Variants in DENND4C observed in about 807,000 individuals in gnomAD.
The protein encoded by DENND4C is DENN domain-containing protein 4C.
Under a neutral mutation model 203.0 loss-of-function variants are expected in DENND4C, and 108 were observed. That is an observed-to-expected ratio of 0.53 (90% CI 0.46 to 0.62). The LOEUF is 0.62. Among genes scored for constraint, DENND4C ranks in the 20% least tolerant of loss-of-function variants. The pLI is 0.00. For synonymous variants in DENND4C, 871 were observed against 792.4 expected, an observed-to-expected ratio of 1.10 and a Z score of -1.67; for missense variants, 2,481 against 2,301.2, an observed-to-expected ratio of 1.08 and a Z score of -1.60.
chr9:19,245,874 T>C (rs1187313690), intron 1 of DENND4C, among the ~76,000 whole-genome samples: 2 of 150,482 alleles, frequency 1.3e-5, no homozygotes, highest in Non-Finnish European at 3.0e-5. Context: ...AAAAAAAAAT[T>C]GTAAGCATCT....
At chr9:19,322,963 T>G (rs574036996) in intron 12 of DENND4C, among the ~76,000 whole-genome samples, 1 of 152,220 alleles carries the variant, frequency 6.6e-6, no homozygotes, top group Admixed American at 6.5e-5. Context: ...TGTGACTGTG[T>G]GTTGAAGTTG....
intron 30 of DENND4C, 73 bp from the exon 31 acceptor site, chr9:19,369,764 C>T: frequency 1.2e-6 from 1 of 837,574 alleles, no homozygotes; most frequent in Non-Finnish European, 1.5e-6. Context: ...GAGATGTTGT[C>T]TCAAAAAAAA....
rs760574466 is a variant in DENND4C at position 19,336,484 on chromosome 9, T to C, written c.2734+70T>C. 2.2e-4 allele frequency: 335 copies of C among 1,517,366 alleles called. 1 individual carries two copies. Among genetic ancestry groups the C allele is most frequent in the Middle Eastern group, 1.9e-3 (10 of 5,296 alleles). 94.0% of individuals were successfully genotyped at this position (1,517,366 alleles called of 1,614,324 possible). A position where few individuals can be genotyped will look rare whatever the true frequency, so the allele number is the denominator to read the frequency against. On this transcript the variant is annotated intron_variant, in intron 19 of 32. Transcript: ENST00000434457. ...CTTTATAGGCATATGAATTTTTAGC[T>C]ATGTGAAGTAGAAAACTTAAATTCC... is the stretch of plus-strand genomic sequence containing the variant.
chr9:19,245,073 TTCTC>T (rs1273130078), intron 1 of DENND4C, among the ~76,000 whole-genome samples: 1 of 152,234 alleles, frequency 6.6e-6, no homozygotes, highest in Non-Finnish European at 1.5e-5. Context: ...AGACTAGTAG[TTCTC>T]AATTCTGGCT....
intron 20 of DENND4C, among the ~76,000 whole-genome samples, chr9:19,340,760 A>G (rs1380504501): frequency 6.6e-6 from 1 of 152,214 alleles, no homozygotes; most frequent in African/African-American, 2.4e-5. Flanking sequence ...TTTACAGATG[A>G]AGAAATTAAG....
rs1004510486 is a variant in DENND4C, at chr9:19,273,482, A to C, written c.-17-2676A>C. On this transcript the variant is annotated intron_variant, in intron 1 of 32. Coordinates refer to ENST00000434457, the MANE Select transcript of DENND4C (RefSeq NM_001330640.2). ...ACCTCTGTTTTTCATAAGACCCTGT[A>C]AGAGAATAAAAACACAAGCCGCAGA... is the stretch of plus-strand genomic sequence containing the variant. Among the ~76,000 whole-genome samples, 16 of 152,188 alleles carry C rather than the reference A, an allele frequency of 1.1e-4. 1 individual carries two copies. Among genetic ancestry groups the C allele is most frequent in the African/African-American group, 3.9e-4 (16 of 41,428 alleles).
chr9:19,313,793 A>G (rs984563257), intron 10 of DENND4C, among the ~76,000 whole-genome samples: 1 of 152,238 alleles, frequency 6.6e-6, no homozygotes, highest in African/African-American at 2.4e-5. Context: ...GTGCCATGCC[A>G]GTAGCGTGCT....
chr9:19,298,249 T>G, intron 7 of DENND4C, 127 bp downstream of exon 7: 1 of 774,044 alleles, frequency 1.3e-6, no homozygotes, highest in South Asian at 2.2e-5. Context: ...TTGGATTTTC[T>G]GTGCTTTGTA....
intron 1 of DENND4C, among the ~76,000 whole-genome samples, chr9:19,234,752 A>T (rs1458386380): frequency 6.6e-6 from 1 of 151,822 alleles, no homozygotes; most frequent in Admixed American, 6.6e-5. Context: ...CATATTGCCC[A>T]GGCTGGTCTT....
intron 1 of DENND4C, among the ~76,000 whole-genome samples, chr9:19,264,911 T>C (rs1189953176): frequency 1.3e-5 from 2 of 152,194 alleles, no homozygotes; most frequent in Admixed American, 6.5e-5. Flanking sequence ...ACTTTTTTGA[T>C]GTAGGCACTT....
intron 1 of DENND4C, among the ~76,000 whole-genome samples, chr9:19,249,021 C>G (rs540674960): frequency 2.0e-5 from 3 of 152,110 alleles, no homozygotes; most frequent in Non-Finnish European, 4.4e-5. Context: ...GAACACCTGA[C>G]CTTGGTTGAT....
chr9:19,234,767 T>C (rs1821489038), intron 1 of DENND4C, among the ~76,000 whole-genome samples: 1 of 151,912 alleles, frequency 6.6e-6, no homozygotes, highest in South Asian at 2.1e-4. Flanking sequence ...GGTCTTGAAC[T>C]CTAAGTTCAA....
intron 10 of DENND4C, among the ~76,000 whole-genome samples, chr9:19,315,082 C>T (rs1279716038): frequency 1.3e-5 from 2 of 149,446 alleles, no homozygotes; most frequent in Non-Finnish European, 3.0e-5. Context: ...ATCGCTTGAA[C>T]CTGGAATGCG....
At chr9:19,288,775 A>T in intron 4 of DENND4C, 110 bp downstream of exon 4, 1 of 510,730 alleles carries the variant, frequency 2.0e-6, no homozygotes, top group Non-Finnish European at 3.0e-6. Flanking sequence ...GAATTGATCT[A>T]TTCATAAAAT....
At chr9:19,302,353 C>A (rs1360319073) in intron 9 of DENND4C, among the ~76,000 whole-genome samples, 1 of 152,126 alleles carries the variant, frequency 6.6e-6, no homozygotes, top group Non-Finnish European at 1.5e-5. Context: ...TATAGTGTTG[C>A]AAAAAGGCAA....
intron 26 of DENND4C, among the ~76,000 whole-genome samples, chr9:19,353,333 T>TAA (rs894043340): frequency 6.6e-6 from 1 of 151,710 alleles, no homozygotes; most frequent in Admixed American, 6.6e-5. Flanking sequence ...TTAGCTGCTT[T>TAA]AAAAAAAATA....
At chr9:19,303,627 G>C (rs1250499212) in intron 9 of DENND4C, among the ~76,000 whole-genome samples, 1 of 152,158 alleles carries the variant, frequency 6.6e-6, no homozygotes, top group Non-Finnish European at 1.5e-5. Flanking sequence ...TTGGTACATA[G>C]CAAGTGCCCA....
At chr9:19,350,488 C>G (rs1823846083) in intron 23 of DENND4C, among the ~76,000 whole-genome samples, 1 of 152,070 alleles carries the variant, frequency 6.6e-6, no homozygotes, top group East Asian at 1.9e-4. Flanking sequence ...CTGAGGCACA[C>G]CACGATCTTT....
intron 10 of DENND4C, among the ~76,000 whole-genome samples, chr9:19,315,506 C>CATGT (rs1841640512): frequency 6.8e-6 from 1 of 147,348 alleles, no homozygotes; most frequent in South Asian, 2.1e-4. Context: ...TATATATATA[C>CATGT]ATGTATGTAT....
Sources: gnomAD v4.1 joint callset for allele counts (sites outside exome capture counted in the v4.1 genomes callset) on GRCh38, gnomAD v4.1.1 for gene constraint, MANE v1.5 for transcripts, NCBI Gene and HGNC (gene_info 2026-07-23, HGNC 2026-07-21) for gene names.